Variants in ERBB4 observed in about 807,000 individuals in gnomAD.
ERBB4 encodes receptor tyrosine-protein kinase erbB-4.
In ERBB4, 42 loss-of-function variants were observed where a neutral mutation model predicts 158.0. The observed-to-expected ratio is 0.27, with a 90% confidence interval of 0.21 to 0.34. ERBB4 has a LOEUF of 0.34. Ranked by LOEUF, ERBB4 falls within the 10% of genes least tolerant of loss-of-function variation. The pLI, the probability that ERBB4 is intolerant of heterozygous loss-of-function variation, is 1.00. For missense variants in ERBB4, 1,333 were observed against 1,624.1 expected (o/e 0.82, Z 3.08); for synonymous variants, 583 against 558.7 (o/e 1.04, Z -0.61).
chr2:212,398,986 C>T (rs1260324154), intron 1 of ERBB4, among the ~76,000 whole-genome samples: 2 of 151,862 alleles, frequency 1.3e-5, no homozygotes, highest in Admixed American at 1.3e-4. Context: ...CTCTGTTGCC[C>T]AGGTTGGAGT....
chr2:211,983,303 T>C (rs1206568657), intron 2 of ERBB4, among the ~76,000 whole-genome samples: 1 of 152,106 alleles, frequency 6.6e-6, no homozygotes, highest in East Asian at 1.9e-4. Flanking sequence ...CCTGGTATTG[T>C]TGTTAGATAA....
chr2:211,769,875 C>T (rs1368379981), intron 4 of ERBB4, among the ~76,000 whole-genome samples: 2 of 152,166 alleles, frequency 1.3e-5, no homozygotes, highest in African/African-American at 4.8e-5. Context: ...TGGTGCCCAC[C>T]CATATTGAGG....
chr2:211,878,148 C>T (rs754869549), intron 3 of ERBB4, among the ~76,000 whole-genome samples: 7 of 151,996 alleles, frequency 4.6e-5, no homozygotes, highest in Admixed American at 6.6e-5. Flanking sequence ...AATGTATCAC[C>T]GTAGAAATTA....
chr2:211,875,695 C>T (rs933679833), intron 3 of ERBB4, among the ~76,000 whole-genome samples: 14 of 152,160 alleles, frequency 9.2e-5, no homozygotes, highest in South Asian at 2.1e-4. Context: ...CAGGCCTTCA[C>T]ATTGACTCAT....
chr2:212,342,308 T>C (rs904191995), intron 1 of ERBB4, among the ~76,000 whole-genome samples: 2 of 152,164 alleles, frequency 1.3e-5, no homozygotes, highest in African/African-American at 4.8e-5. Context: ...AGGGACCTGG[T>C]GGGAGATAAC....
intron 3 of ERBB4, among the ~76,000 whole-genome samples, chr2:211,943,839 T>C (rs959750962): frequency 2.0e-5 from 3 of 151,966 alleles, no homozygotes; most frequent in Non-Finnish European, 4.4e-5. Flanking sequence ...GCAGCAACTT[T>C]TGGTGAACAT....
chr2:211,768,655 G>A (rs1179009563), intron 4 of ERBB4, among the ~76,000 whole-genome samples: 2 of 152,188 alleles, frequency 1.3e-5, no homozygotes, highest in South Asian at 2.1e-4. Context: ...GCCATGTCCT[G>A]AACTGTATGT....
At chr2:211,683,119 C>A (rs2072422795) in intron 12 of ERBB4, among the ~76,000 whole-genome samples, 1 of 150,576 alleles carries the variant, frequency 6.6e-6, no homozygotes, top group Non-Finnish European at 1.5e-5. Context: ...ATATTTTATT[C>A]TGAAATAATT....
chr2:212,259,912 A>C (rs948030217), intron 1 of ERBB4, among the ~76,000 whole-genome samples: 1 of 152,064 alleles, frequency 6.6e-6, no homozygotes, highest in Admixed American at 6.6e-5. Flanking sequence ...TGTACTAAAA[A>C]TACAAAAATT....
chr2:211,585,351 CAAA>C (rs4016514), intron 19 of ERBB4, among the ~76,000 whole-genome samples: 1 of 131,934 alleles, frequency 7.6e-6, no homozygotes, highest in African/African-American at 2.8e-5. Context: ...GACTCCGTCT[CAAA>C]AAAAAAAAAA....
intron 19 of ERBB4, among the ~76,000 whole-genome samples, chr2:211,615,870 G>A: frequency 6.6e-6 from 1 of 152,020 alleles, no homozygotes; most frequent in Admixed American, 6.6e-5. Flanking sequence ...CATAAAGTTA[G>A]AGTGGAGAAA....
intron 2 of ERBB4, among the ~76,000 whole-genome samples, chr2:212,057,531 T>A (rs1397190483): frequency 6.6e-6 from 1 of 152,156 alleles, no homozygotes; most frequent in African/African-American, 2.4e-5. Flanking sequence ...TAGTTGGAAG[T>A]AAAGCACTCC....
At chr2:211,828,396 C>T (rs2077148653) in intron 3 of ERBB4, among the ~76,000 whole-genome samples, 1 of 152,084 alleles carries the variant, frequency 6.6e-6, no homozygotes, top group Non-Finnish European at 1.5e-5. Context: ...AGCTCTTCTA[C>T]TATCAAATTT....
At chr2:211,654,505 T>C (rs1217144048) in intron 16 of ERBB4, among the ~76,000 whole-genome samples, 1 of 152,242 alleles carries the variant, frequency 6.6e-6, no homozygotes, top group East Asian at 1.9e-4. Context: ...GATATATCAA[T>C]CCTGTAGTCA....
At chr2:212,481,347 ATTATT>A (rs2106160424) in intron 1 of ERBB4, among the ~76,000 whole-genome samples, 1 of 152,294 alleles carries the variant, frequency 6.6e-6, no homozygotes, top group African/African-American at 2.4e-5. Flanking sequence ...CAATTTGCTC[ATTATT>A]TTATTTAAAA....
intron 1 of ERBB4, among the ~76,000 whole-genome samples, chr2:212,268,536 TTATC>T (rs1458483366): frequency 9.2e-5 from 14 of 151,934 alleles, no homozygotes; most frequent in African/African-American, 2.2e-4. Flanking sequence ...AGTAAAAACA[TTATC>T]TAAGTTAATT....
intron 3 of ERBB4, among the ~76,000 whole-genome samples, chr2:211,842,711 T>A (rs191161875): frequency 6.6e-6 from 1 of 152,262 alleles, no homozygotes; most frequent in Admixed American, 6.5e-5. Context: ...CTGAGTTTAT[T>A]TATATTCAAG....
intron 20 of ERBB4, among the ~76,000 whole-genome samples, chr2:211,452,894 G>T (rs2064284317): frequency 6.6e-6 from 1 of 152,152 alleles, no homozygotes; most frequent in African/African-American, 2.4e-5. Context: ...GTGCAGTAAA[G>T]TATGTGTGAT....
intron 20 of ERBB4, among the ~76,000 whole-genome samples, chr2:211,458,270 ATT>A (rs751521536): frequency 7.0e-5 from 10 of 143,432 alleles, no homozygotes; most frequent in South Asian, 2.2e-4. Flanking sequence ...ACAATGAATA[ATT>A]TTTTTTTTTT....
Sources: gnomAD v4.1 joint callset for allele counts (sites outside exome capture counted in the v4.1 genomes callset) on GRCh38, gnomAD v4.1.1 for gene constraint, MANE v1.5 for transcripts, NCBI Gene and HGNC (gene_info 2026-07-23, HGNC 2026-07-21) for gene names.